The following PLCB4 variants were observed in gnomAD, a reference collection of about 807,000 sequenced individuals.
PLCB4 encodes the protein 1-phosphatidylinositol 4,5-bisphosphate phosphodiesterase beta-4.
Under a neutral mutation model 178.8 loss-of-function variants are expected in PLCB4, and 77 were observed. The observed-to-expected ratio is 0.43, with a 90% CI of 0.36 to 0.52. The LOEUF is 0.52. Ranked by LOEUF, PLCB4 falls within the 20% of genes least tolerant of loss-of-function variation. The pLI is 0.00. For synonymous variants in PLCB4, 496 were observed against 490.8 expected (o/e 1.01, Z -0.14); for missense variants, 1,024 against 1,453.4 (o/e 0.70, Z 4.80).
intron 2 of PLCB4, among the ~76,000 whole-genome samples, chr20:9,097,292 G>A (rs969222832): frequency 7.6e-6 from 1 of 130,914 alleles, no homozygotes; most frequent in Non-Finnish European, 1.5e-5. Flanking sequence ...AATATGGACT[G>A]GCTCTCCTGT....
chr20:9,442,482 T>C (rs1025798843), intron 30 of PLCB4, among the ~76,000 whole-genome samples: 1 of 151,968 alleles, frequency 6.6e-6, no homozygotes, highest in Non-Finnish European at 1.5e-5. Flanking sequence ...GTTTATGTTT[T>C]TGTAGGTTCC....
chr20:9,415,966 C>T (rs530418712), intron 25 of PLCB4, among the ~76,000 whole-genome samples: 1 of 152,284 alleles, frequency 6.6e-6, no homozygotes, highest in East Asian at 1.9e-4. Flanking sequence ...CCGCCTTGGA[C>T]CCAGAACAGA....
intron 2 of PLCB4, among the ~76,000 whole-genome samples, chr20:9,125,416 T>C (rs1196053099): frequency 6.6e-6 from 1 of 152,196 alleles, no homozygotes; most frequent in African/African-American, 2.4e-5. Flanking sequence ...GTGTTTTTTT[T>C]CAAACCACTT....
chr20:9,277,980 A>G (rs2094464210), intron 3 of PLCB4, among the ~76,000 whole-genome samples: 1 of 152,064 alleles, frequency 6.6e-6, no homozygotes, highest in African/African-American at 2.4e-5. Context: ...CAGCCACAAC[A>G]ACATTGCCTT....
intron 28 of PLCB4, among the ~76,000 whole-genome samples, chr20:9,426,127 T>A (rs1445407734): frequency 6.7e-6 from 1 of 149,702 alleles, no homozygotes; most frequent in Admixed American, 6.6e-5. Context: ...AAAATGTTTT[T>A]TTTCCCCTAG....
At chr20:9,231,122 T>C (rs565675346) in intron 3 of PLCB4, among the ~76,000 whole-genome samples, 1 of 152,308 alleles carries the variant, frequency 6.6e-6, no homozygotes, top group Non-Finnish European at 1.5e-5. Context: ...TTAACAACGT[T>C]GGTTGGCTTT....
At chr20:9,434,092 G>C (rs2041605975) in intron 28 of PLCB4, among the ~76,000 whole-genome samples, 1 of 152,210 alleles carries the variant, frequency 6.6e-6, no homozygotes, top group Admixed American at 6.5e-5. Context: ...ACTGGTTAAA[G>C]AAATTATCAC....
chr20:9,344,885 A>G (rs2033634976), intron 7 of PLCB4, among the ~76,000 whole-genome samples: 1 of 152,180 alleles, frequency 6.6e-6, no homozygotes, highest in Non-Finnish European at 1.5e-5. Context: ...TTCCTCTCCT[A>G]AACAACTGCC....
At chr20:9,436,568 G>T in intron 29 of PLCB4, among the ~76,000 whole-genome samples, 1 of 152,054 alleles carries the variant, frequency 6.6e-6, no homozygotes, top group African/African-American at 2.4e-5. Context: ...TGCCTAGGTT[G>T]GTGTCAAACT....
At chr20:9,162,129 C>T (rs1431063395) in intron 2 of PLCB4, among the ~76,000 whole-genome samples, 1 of 152,076 alleles carries the variant, frequency 6.6e-6, no homozygotes, top group African/African-American at 2.4e-5. Context: ...ATGGAATTGG[C>T]AGTGTTTATT....
chr20:9,151,752 G>A (rs1003643483), intron 2 of PLCB4, among the ~76,000 whole-genome samples: 60 of 152,128 alleles, frequency 3.9e-4, no homozygotes, highest in Non-Finnish European at 7.5e-4. Context: ...AAAGATACCC[G>A]AAAATATGGA....
At chr20:9,079,722 C>T (rs892668309) in intron 1 of PLCB4, among the ~76,000 whole-genome samples, 1 of 152,108 alleles carries the variant, frequency 6.6e-6, no homozygotes, top group African/African-American at 2.4e-5. Flanking sequence ...AATAAAACTG[C>T]ATCTACAGTG....
At chr20:9,100,034 TG>T in intron 2 of PLCB4, among the ~76,000 whole-genome samples, 1 of 152,212 alleles carries the variant, frequency 6.6e-6, no homozygotes, top group East Asian at 1.9e-4. Flanking sequence ...TGCCCACTTT[TG>T]TGTTTTTCTT....
intron 2 of PLCB4, among the ~76,000 whole-genome samples, chr20:9,178,573 AT>A (rs1271479279): frequency 6.6e-6 from 1 of 151,590 alleles, no homozygotes; most frequent in African/African-American, 2.4e-5. Flanking sequence ...CAAAAGATAT[AT>A]TTCAAGTAAA....
intron 28 of PLCB4, among the ~76,000 whole-genome samples, chr20:9,426,953 G>A (rs754428562): frequency 8.6e-5 from 13 of 151,936 alleles, no homozygotes; most frequent in East Asian, 1.9e-4. Context: ...GGCCAGGCGC[G>A]GTGGCTCATG....
intron 3 of PLCB4, among the ~76,000 whole-genome samples, chr20:9,295,587 T>G (rs1390158993): frequency 5.3e-5 from 8 of 152,146 alleles, no homozygotes; most frequent in Non-Finnish European, 1.0e-4. Flanking sequence ...AGAAACAAGA[T>G]GACTTTTGTA....
intron 39 of PLCB4, 56 bp from the exon 40 acceptor site, chr20:9,478,865 A>G (rs762769788): frequency 1.6e-5 from 21 of 1,293,332 alleles, no homozygotes; most frequent in Admixed American, 1.2e-4. Flanking sequence ...CAGGGTTGTT[A>G]AGTGCCTTCA....
chr20:9,391,683 A>G (rs1568721456), intron 17 of PLCB4, among the ~76,000 whole-genome samples: 1 of 152,110 alleles, frequency 6.6e-6, no homozygotes, highest in Non-Finnish European at 1.5e-5. Flanking sequence ...TTCCCTGAAC[A>G]CTGGCCTGAC....
At chr20:9,414,206 A>C (rs2040079801) in intron 25 of PLCB4, among the ~76,000 whole-genome samples, 1 of 152,266 alleles carries the variant, frequency 6.6e-6, no homozygotes, top group Non-Finnish European at 1.5e-5. Context: ...TAGCCTGTGC[A>C]GTGGGGCAGC....
Sources: allele counts gnomAD v4.1 joint callset (sites outside exome capture counted in the v4.1 genomes callset), GRCh38; gene constraint gnomAD v4.1.1; transcripts MANE v1.5; gene names NCBI Gene and HGNC (gene_info 2026-07-23, HGNC 2026-07-21).